The following AKAP12 variants were observed in gnomAD, a reference collection of about 807,000 sequenced individuals.
AKAP12 encodes the protein A-kinase anchor protein 12.
In AKAP12, 32 loss-of-function variants were observed where a neutral mutation model predicts 79.9. The observed-to-expected ratio is 0.40, with a 90% CI of 0.30 to 0.54. The LOEUF (loss-of-function observed/expected upper bound fraction) is 0.54, where lower values mean the gene tolerates loss of function less well. AKAP12 is among the 20% of genes least tolerant of loss of function. AKAP12 has a pLI of 0.48. For synonymous variants in AKAP12, 808 were observed against 857.0 expected (o/e 0.94, Z 1.00); for missense variants, 2,074 against 2,177.0 (o/e 0.95, Z 0.94).
chr6:151,281,856 C>T (rs1054601609), intron 2 of AKAP12, among the ~76,000 whole-genome samples: 18 of 151,914 alleles, frequency 1.2e-4, no homozygotes, highest in African/African-American at 3.9e-4. Flanking sequence ...CCTTCCCCAA[C>T]ACCCAGCTAA....
At chr6:151,284,346 C>T (rs1256381434) in intron 2 of AKAP12, among the ~76,000 whole-genome samples, 1 of 152,186 alleles carries the variant, frequency 6.6e-6, no homozygotes. Flanking sequence ...GAATGCATGG[C>T]TGGGTGTGGT....
chr6:151,302,076 T>A (rs1390454386), intron 2 of AKAP12, among the ~76,000 whole-genome samples: 1 of 151,556 alleles, frequency 6.6e-6, no homozygotes, highest in Admixed American at 6.6e-5. Flanking sequence ...GAGTGCGTGA[T>A]CTCAGCTCGC....
intron 3 of AKAP12, chr6:151,325,067 A>G: frequency 8.1e-6 from 8 of 985,474 alleles, no homozygotes; most frequent in Non-Finnish European, 9.6e-6. Context: ...TGTTGAAGAC[A>G]GCACTTGTTA....
intron 3 of AKAP12, among the ~76,000 whole-genome samples, chr6:151,323,120 G>T (rs144262496): frequency 5.9e-5 from 9 of 152,284 alleles, no homozygotes; most frequent in African/African-American, 2.2e-4. Flanking sequence ...ACAGAGGCTC[G>T]CTGGGCAGCT....
Position 151,348,693 on chromosome 6 carries a change from G to A in AKAP12, c.320-18G>A, listed in dbSNP as rs754347244. ...CCTTTTCTCTTCTCCCCACCCCCCCGCCCCTTTTTGTTAATAGTTGGACAG... is the reference window on the plus strand; with the variant it reads ...CCTTTTCTCTTCTCCCCACCCCCCCACCCCTTTTTGTTAATAGTTGGACAG... On this transcript the variant is annotated intron_variant, in intron 3 of 4. Transcript: ENST00000402676. 6.3e-5 allele frequency: 14 copies of A among 221,620 alleles called. No homozygotes were observed. Among genetic ancestry groups the A allele is most frequent in the African/African-American group, 4.3e-4 (7 of 16,192 alleles). The allele number at this position is 221,620 out of a possible 1,614,324, so 13.7% of individuals were successfully genotyped here.
chr6:151,269,663 A>T (rs904300789), intron 2 of AKAP12, among the ~76,000 whole-genome samples: 6 of 152,218 alleles, frequency 3.9e-5, no homozygotes, highest in African/African-American at 1.4e-4. Context: ...TTCCTCTGAG[A>T]TATTTTCCTA....
intron 3 of AKAP12, among the ~76,000 whole-genome samples, chr6:151,310,923 A>G (rs1461636222): frequency 6.6e-6 from 1 of 152,166 alleles, no homozygotes; most frequent in African/African-American, 2.4e-5. Context: ...CACAGGTCAC[A>G]TTTGTTTCTG....
intron 2 of AKAP12, 44 bp downstream of exon 2, chr6:151,240,768 T>TG: frequency 1.4e-5 from 2 of 143,598 alleles, no homozygotes; most frequent in Non-Finnish European, 1.9e-5. Context: ...CGCGGGTCTT[T>TG]GGGGGTGGGG....
intron 3 of AKAP12, among the ~76,000 whole-genome samples, chr6:151,312,566 C>T (rs1396485618): frequency 6.6e-6 from 1 of 151,984 alleles, no homozygotes; most frequent in Non-Finnish European, 1.5e-5. Context: ...CCGAGGTGGG[C>T]GGATCACGAG....
chr6:151,292,961 C>T (rs926424179), intron 2 of AKAP12, among the ~76,000 whole-genome samples: 20 of 152,220 alleles, frequency 1.3e-4, no homozygotes, highest in African/African-American at 4.3e-4. Context: ...GCTTCTGATA[C>T]TCCTATCTTA....
At chr6:151,253,355 G>A (rs998379021) in intron 2 of AKAP12, among the ~76,000 whole-genome samples, 1 of 151,846 alleles carries the variant, frequency 6.6e-6, no homozygotes, top group Non-Finnish European at 1.5e-5. Flanking sequence ...TTTTTCATTT[G>A]GATACATATG....
At chr6:151,284,038 T>G (rs1439655183) in intron 2 of AKAP12, among the ~76,000 whole-genome samples, 2 of 152,218 alleles carry the variant, frequency 1.3e-5, no homozygotes, top group Non-Finnish European at 2.9e-5. Flanking sequence ...TTATATCTGA[T>G]AAAGCGAGCA....
chr6:151,245,905 T>C (rs1252907319), intron 2 of AKAP12, among the ~76,000 whole-genome samples: 1 of 152,182 alleles, frequency 6.6e-6, no homozygotes, highest in Non-Finnish European at 1.5e-5. Flanking sequence ...CACAGTCTTT[T>C]CCATTTAAGA....
rs904424956 is a variant in AKAP12 at position 151,264,425 on chromosome 6, C to T, written c.162+23701C>T. ...GTGGCTCACACCTGTAATCCCAGCA[C>T]TTTGGGAGGCCGAGGTGGGTGGATC... On this transcript the variant is annotated intron_variant, in intron 2 of 4. Coordinates refer to ENST00000402676, the MANE Select transcript of AKAP12 (RefSeq NM_005100.4). Among the ~76,000 whole-genome samples, 128 of 147,828 alleles carry T rather than the reference C, an allele frequency of 8.7e-4. 1 individual carries two copies. The highest frequency in any genetic ancestry group is 2.7e-4 in the Admixed American group (4 of 14,848).
chr6:151,342,386 G>A (rs55643577), intron 3 of AKAP12, among the ~76,000 whole-genome samples: 10,068 of 152,242 alleles, frequency 0.066, 435 homozygotes, highest in Admixed American at 0.13. Context: ...ATAGGTACCT[G>A]CCAGACTAGG....
At position 151,287,538 on chromosome 6, in the gene AKAP12, G is replaced by A. The variant is rs147734253; in HGVS notation, c.163-18209G>A. Among the ~76,000 whole-genome samples the A allele has an allele frequency of 3.7e-3, 565 of 152,308 alleles. 4 individuals are homozygous for A. The highest frequency in any genetic ancestry group is 0.013 in the African/African-American group (531 of 41,570). On this transcript the variant is annotated intron_variant, in intron 2 of 4. Coordinates refer to ENST00000402676, the MANE Select transcript of AKAP12 (RefSeq NM_005100.4). ...GGCCTTGGAAAGTGCTAGGATTACA[G>A]GCGTGAGCCATCAGGCCCGGCCATG...
chr6:151,269,345 A>C (rs566824120), intron 2 of AKAP12, among the ~76,000 whole-genome samples: 3 of 152,022 alleles, frequency 2.0e-5, no homozygotes, highest in East Asian at 1.9e-4. Flanking sequence ...AATTTTTCTC[A>C]ATAGCATTTT....
At chr6:151,250,013 G>A (rs1308945220) in intron 2 of AKAP12, among the ~76,000 whole-genome samples, 1 of 152,126 alleles carries the variant, frequency 6.6e-6, no homozygotes, top group Non-Finnish European at 1.5e-5. Context: ...GGGAGGTGAG[G>A]GTGGGAGGAT....
rs564356064 is a variant in AKAP12 at position 151,262,036 on chromosome 6, G to A, written c.162+21312G>A. 4.6e-5 allele frequency among the ~76,000 whole-genome samples: 7 copies of A among 152,106 alleles called. No individual in the cohort carries two copies. In the East Asian group the frequency reaches 9.7e-4, roughly 21 times the overall value. ...GAGTGGAATGGCGAGATCTTGAACC[G>A]CCTCCCAGGTTCAAGAGATTCTCCT... is the stretch of plus-strand genomic sequence containing the variant. On this transcript the variant is annotated intron_variant, in intron 2 of 4. Coordinates refer to ENST00000402676, the MANE Select transcript of AKAP12 (RefSeq NM_005100.4).
Sources: gnomAD v4.1 joint callset for allele counts (sites outside exome capture counted in the v4.1 genomes callset) on GRCh38, gnomAD v4.1.1 for gene constraint, MANE v1.5 for transcripts, NCBI Gene and HGNC (gene_info 2026-07-23, HGNC 2026-07-21) for gene names.